XPO4: variants seen among roughly 807,000 people sequenced by gnomAD.
XPO4 encodes the protein exportin 4.
A neutral mutation model predicts 143.0 loss-of-function variants in XPO4; 39 were observed. The ratio of observed to expected loss-of-function variants is 0.27; its 90% CI spans 0.21 to 0.36. The LOEUF (loss-of-function observed/expected upper bound fraction) is 0.36. Among genes scored for constraint, XPO4 ranks in the 10% least tolerant of loss-of-function variants. XPO4 has a pLI of 1.00. For missense variants in XPO4, 907 were observed against 1,348.0 expected, an observed-to-expected ratio of 0.67 and a Z score of 5.12; for synonymous variants, 439 against 474.0, an observed-to-expected ratio of 0.93 and a Z score of 0.96.
chr13:20,875,635 TA>T (rs2060343544), intron 1 of XPO4, among the ~76,000 whole-genome samples: 2 of 152,156 alleles, frequency 1.3e-5, no homozygotes, highest in South Asian at 4.1e-4. Flanking sequence ...CTTCTTATCT[TA>T]AAAGTTGTCC....
At chr13:20,804,212 T>TTATATATATATACACACACACATTA (rs1280222404) in intron 13 of XPO4, among the ~76,000 whole-genome samples, 1 of 149,792 alleles carries the variant, frequency 6.7e-6, no homozygotes, top group African/African-American at 2.5e-5. Flanking sequence ...TATACACACA[T>TTATATATATATACACACACACATTA]TATATATATA....
At chr13:20,857,466 G>A (rs546659481) in intron 3 of XPO4, among the ~76,000 whole-genome samples, 4 of 152,132 alleles carry the variant, frequency 2.6e-5, no homozygotes, top group Non-Finnish European at 4.4e-5. Context: ...AGTGGCTCAC[G>A]CCTGTAATCC....
chr13:20,853,641 T>C (rs944611702), intron 4 of XPO4, among the ~76,000 whole-genome samples: 4 of 152,206 alleles, frequency 2.6e-5, no homozygotes, highest in Non-Finnish European at 4.4e-5. Context: ...ATTAGTTTTA[T>C]ACAAAAATTA....
At chr13:20,853,068 ACATCTGTAATCCCAG>A in intron 4 of XPO4, 1 of 984,736 alleles carries the variant, frequency 1.0e-6, no homozygotes, top group Non-Finnish European at 1.2e-6. Context: ...GTGGTGGCTC[ACATCTGTAATCCCAG>A]CATTTTGGAA....
At chr13:20,848,023 A>G (rs548412818) in intron 4 of XPO4, among the ~76,000 whole-genome samples, 1 of 152,350 alleles carries the variant, frequency 6.6e-6, no homozygotes, top group East Asian at 1.9e-4. Context: ...CTACTAAAAC[A>G]TAAGGGGCCT....
chr13:20,869,157 A>T (rs2060270739), intron 1 of XPO4, among the ~76,000 whole-genome samples: 1 of 152,174 alleles, frequency 6.6e-6, no homozygotes, highest in South Asian at 2.1e-4. Flanking sequence ...ACAGGATCAA[A>T]TATTATTTCA....
At chr13:20,896,485 C>T (rs1391018824) in intron 1 of XPO4, among the ~76,000 whole-genome samples, 1 of 152,168 alleles carries the variant, frequency 6.6e-6, no homozygotes, top group African/African-American at 2.4e-5. Flanking sequence ...TTTATTTCTA[C>T]AGTTTTTCTT....
intron 3 of XPO4, 44 bp downstream of exon 3, chr13:20,862,673 A>C (rs2060212892): frequency 1.2e-6 from 2 of 1,611,412 alleles, no homozygotes; most frequent in African/African-American, 2.7e-5. Flanking sequence ...AGATACACAT[A>C]AGCTCAGCAA....
chr13:20,800,470 T>C, intron 14 of XPO4, 145 bp from the exon 15 acceptor site: 1 of 765,572 alleles, frequency 1.3e-6, no homozygotes, highest in Non-Finnish European at 2.0e-6. Context: ...TCATTTCCAC[T>C]GGTCAAAAAA....
chr13:20,800,156 C>A lies in XPO4; in HGVS notation c.2147G>T (p.Arg716Met). 1 of 1,614,016 alleles carries A rather than the reference C, an allele frequency of 6.2e-7. No homozygotes were observed. The highest frequency in any genetic ancestry group is 8.5e-7 in the Non-Finnish European group (1 of 1,179,950). Residue 716 changes from arginine to methionine, a missense_variant and splice_region_variant, in exon 15 of 23, where the codon AGG (arginine) becomes ATG (methionine). Arg to Met is a moderately conservative substitution (Grantham distance 91). Transcript: ENST00000255305. ...AGTCAGCCTCCAACAATGGGCTAAC[C>A]TTTCTCTTCTTTCCACCAAAGTGAC... is the stretch of plus-strand genomic sequence containing the variant. ...LLVTLVERRE[R>M]ANLVIQCENW...
At chr13:20,855,145 A>G (rs959224300) in intron 4 of XPO4, among the ~76,000 whole-genome samples, 2 of 152,192 alleles carry the variant, frequency 1.3e-5, no homozygotes, top group African/African-American at 2.4e-5. Context: ...CTGCATTTAT[A>G]TTATGTACAT....
chr13:20,845,687 G>C (rs1249820595), intron 4 of XPO4, among the ~76,000 whole-genome samples: 3 of 152,138 alleles, frequency 2.0e-5, no homozygotes, highest in Admixed American at 6.6e-5. Context: ...CTTTTAAAAT[G>C]ATTAATGATT....
intron 11 of XPO4, 89 bp downstream of exon 11, chr13:20,808,994 G>A (rs2059541644): frequency 1.4e-6 from 2 of 1,443,678 alleles, no homozygotes; most frequent in African/African-American, 1.4e-5. Context: ...GGGTGGGGGT[G>A]TTTAAAGTCT....
intron 1 of XPO4, among the ~76,000 whole-genome samples, chr13:20,870,477 G>A (rs1385468586): frequency 6.6e-6 from 1 of 151,730 alleles, no homozygotes; most frequent in Non-Finnish European, 1.5e-5. Flanking sequence ...AGGGCTGGGT[G>A]CGGTGGCTCA....
intron 4 of XPO4, chr13:20,848,831 TCAAA>T: frequency 1.0e-6 from 1 of 985,286 alleles, no homozygotes; most frequent in Non-Finnish European, 1.2e-6. Context: ...TTTTAATATG[TCAAA>T]CAAGTAGAAG....
chr13:20,815,009 A>T (rs1365409703), intron 9 of XPO4, among the ~76,000 whole-genome samples: 1 of 152,206 alleles, frequency 6.6e-6, no homozygotes, highest in Non-Finnish European at 1.5e-5. Flanking sequence ...TGAAAAGAAA[A>T]CTTTCAATAT....
At chr13:20,891,164 C>A in intron 1 of XPO4, among the ~76,000 whole-genome samples, 1 of 144,482 alleles carries the variant, frequency 6.9e-6, no homozygotes. Context: ...CAAACGGCCA[C>A]ACTCTAGACT....
At chr13:20,829,773 CAG>C (rs1265775291) in intron 6 of XPO4, among the ~76,000 whole-genome samples, 1 of 152,078 alleles carries the variant, frequency 6.6e-6, no homozygotes. Context: ...AGGGGGGCAA[CAG>C]TGTGTTTTGG....
chr13:20,824,226 T>C (rs1595098178), intron 7 of XPO4, among the ~76,000 whole-genome samples: 1 of 152,078 alleles, frequency 6.6e-6, no homozygotes, highest in Non-Finnish European at 1.5e-5. Context: ...ATGCACACTG[T>C]CTAGTTCATA....
Sources: gnomAD v4.1 joint callset for allele counts (sites outside exome capture counted in the v4.1 genomes callset) on GRCh38, gnomAD v4.1.1 for gene constraint, MANE v1.5 for transcripts, NCBI Gene and HGNC (gene_info 2026-07-23, HGNC 2026-07-21) for gene names.